ARPP21: variants seen among roughly 807,000 people sequenced by gnomAD.
ARPP21 encodes cAMP regulated phosphoprotein 21.
A neutral mutation model predicts 113.2 loss-of-function variants in ARPP21; 69 were observed. The observed-to-expected ratio is 0.61, with a 90% CI of 0.50 to 0.74. ARPP21 has a LOEUF of 0.74. Ranked by LOEUF, ARPP21 falls within the 30% of genes least tolerant of loss-of-function variation. The pLI, the probability that ARPP21 is intolerant of heterozygous loss-of-function variation, is 0.00. For synonymous variants in ARPP21, 368 were observed against 375.5 expected (o/e 0.98, Z 0.23); for missense variants, 1,070 against 1,037.4 (o/e 1.03, Z -0.43).
At chr3:35,703,094 A>G (rs1233336277) in intron 9 of ARPP21, among the ~76,000 whole-genome samples, 1 of 151,894 alleles carries the variant, frequency 6.6e-6, no homozygotes, top group Non-Finnish European at 1.5e-5. Context: ...CTACATATTC[A>G]GTAGAATTAA....
At chr3:35,746,446 T>C (rs965451228) in intron 19 of ARPP21, among the ~76,000 whole-genome samples, 3 of 152,170 alleles carry the variant, frequency 2.0e-5, no homozygotes, top group Admixed American at 6.5e-5. Flanking sequence ...AAAGAGCCTC[T>C]TCAGATAACT....
intron 19 of ARPP21, among the ~76,000 whole-genome samples, chr3:35,778,888 G>C (rs146116606): frequency 1.3e-3 from 199 of 152,322 alleles, no homozygotes; most frequent in Non-Finnish European, 2.3e-3. Flanking sequence ...ATAAAGAAAG[G>C]AGACTGCTTG....
chr3:35,710,418 C>A (rs1170305978), intron 11 of ARPP21, among the ~76,000 whole-genome samples: 3 of 152,148 alleles, frequency 2.0e-5, no homozygotes, highest in Non-Finnish European at 4.4e-5. Flanking sequence ...AGGATGCCTA[C>A]AGTGGCCTGG....
intron 1 of ARPP21, among the ~76,000 whole-genome samples, chr3:35,665,916 C>T (rs1382971699): frequency 3.9e-5 from 6 of 152,014 alleles, no homozygotes; most frequent in African/African-American, 1.4e-4. Context: ...TTAAAGGAAA[C>T]GTGATAGAAT....
intron 19 of ARPP21, among the ~76,000 whole-genome samples, chr3:35,756,226 C>T (rs2095563713): frequency 6.6e-6 from 1 of 152,016 alleles, no homozygotes; most frequent in Admixed American, 6.6e-5. Flanking sequence ...TCACTGTAAC[C>T]TAGGAAGGCT....
At chr3:35,722,896 C>T (rs1388795267) in intron 14 of ARPP21, among the ~76,000 whole-genome samples, 1 of 152,182 alleles carries the variant, frequency 6.6e-6, no homozygotes, top group African/African-American at 2.4e-5. Flanking sequence ...CCTAAAATCT[C>T]AGGAAGGTGA....
chr3:35,780,996 C>A (rs1314044724), intron 19 of ARPP21, among the ~76,000 whole-genome samples: 1 of 152,006 alleles, frequency 6.6e-6, no homozygotes, highest in Non-Finnish European at 1.5e-5. Context: ...TACTATAGCA[C>A]CCCTCAGTGA....
Position 35,762,966 on chromosome 3 carries a change from A to T in ARPP21, c.2137+19001A>T, listed in dbSNP as rs142485287. Among the ~76,000 whole-genome samples the T allele has an allele frequency of 3.0e-4, 46 of 152,228 alleles. No homozygotes were observed. In the Middle Eastern group the frequency reaches 0.02, roughly 68 times the overall value. On this transcript the variant is annotated intron_variant, in intron 19 of 20. Coordinates refer to ENST00000684406, the MANE Select transcript of ARPP21 (RefSeq NM_001385562.1). Reference sequence around the variant, plus strand: ...TTAAACATTACTGATTCTGATGCCCAGACACACCAGGTCTTCTGAGTATTA... The same window carrying T: ...TTAAACATTACTGATTCTGATGCCCTGACACACCAGGTCTTCTGAGTATTA...
intron 19 of ARPP21, among the ~76,000 whole-genome samples, chr3:35,756,526 TC>T (rs936279843): frequency 2.5e-3 from 49 of 19,380 alleles, no homozygotes; most frequent in African/African-American, 0.01. Flanking sequence ...TGTCAGCCAA[TC>T]CTTCCTGGTG....
At position 35,739,227 on chromosome 3, in the gene ARPP21, C is replaced by T. The variant is rs919929369; in HGVS notation, c.1750-90C>T. On this transcript the variant is annotated intron_variant, in intron 17 of 20. Coordinates refer to ENST00000684406, the MANE Select transcript of ARPP21 (RefSeq NM_001385562.1). ...TGTACTTCCTGTCTCTCCCACAACTCCAAGAATGTGTCCTGTGTCTGCCTC... is the reference window on the plus strand; with the variant it reads ...TGTACTTCCTGTCTCTCCCACAACTTCAAGAATGTGTCCTGTGTCTGCCTC... The T allele has an allele frequency of 2.7e-5, 40 of 1,460,322 alleles. No individual in the cohort carries two copies. The African/African-American group carries it at 4.1e-4, about 15-fold the overall frequency. 90.5% of individuals were successfully genotyped at this position (1,460,322 alleles called of 1,614,324 possible). A position where few individuals can be genotyped will look rare whatever the true frequency, so the allele number is the denominator to read the frequency against.
chr3:35,691,579 C>G (rs1559634935), intron 9 of ARPP21, among the ~76,000 whole-genome samples: 1 of 151,670 alleles, frequency 6.6e-6, no homozygotes. Context: ...CTAGATGAAA[C>G]ATCTAAGACT....
chr3:35,784,519 C>T (rs2096590722), intron 19 of ARPP21, among the ~76,000 whole-genome samples: 1 of 152,176 alleles, frequency 6.6e-6, no homozygotes, highest in South Asian at 2.1e-4. Context: ...TGTGATAGCA[C>T]CAGAAATCAT....
intron 9 of ARPP21, among the ~76,000 whole-genome samples, chr3:35,706,432 G>T (rs2089083598): frequency 1.3e-5 from 2 of 152,178 alleles, no homozygotes; most frequent in South Asian, 4.1e-4. Context: ...ACATGGTCAA[G>T]GGTGTCAGAG....
chr3:35,726,890 T>C (rs1197256612), intron 14 of ARPP21, among the ~76,000 whole-genome samples: 1 of 152,198 alleles, frequency 6.6e-6, no homozygotes, highest in Non-Finnish European at 1.5e-5. Context: ...TGTTGAATTG[T>C]TTACATTGTT....
At chr3:35,739,619 T>C in intron 18 of ARPP21, 42 bp downstream of exon 18, 1 of 1,560,264 alleles carries the variant, frequency 6.4e-7, no homozygotes, top group Non-Finnish European at 8.7e-7. Context: ...AGCTGATTTC[T>C]GATGCATTTT....
At chr3:35,728,761 C>T (rs1245711647) in intron 14 of ARPP21, among the ~76,000 whole-genome samples, 1 of 152,132 alleles carries the variant, frequency 6.6e-6, no homozygotes, top group Non-Finnish European at 1.5e-5. Context: ...AGGTCTTCTA[C>T]TCACACATGA....
At chr3:35,775,331 C>A (rs2096327892) in intron 19 of ARPP21, among the ~76,000 whole-genome samples, 2 of 152,024 alleles carry the variant, frequency 1.3e-5, no homozygotes, top group Admixed American at 1.3e-4. Flanking sequence ...AGAATGAATC[C>A]CATTTCTCTA....
intron 12 of ARPP21, among the ~76,000 whole-genome samples, chr3:35,716,683 A>G (rs1430714151): frequency 6.6e-6 from 1 of 152,080 alleles, no homozygotes; most frequent in African/African-American, 2.4e-5. Flanking sequence ...AGCATTCACA[A>G]TTCAGATTCA....
At chr3:35,693,311 C>T (rs939683344) in intron 9 of ARPP21, among the ~76,000 whole-genome samples, 3 of 151,548 alleles carry the variant, frequency 2.0e-5, no homozygotes, top group Non-Finnish European at 4.4e-5. Flanking sequence ...AAGTGTTGAG[C>T]TCAATAATGT....
Sources: allele counts gnomAD v4.1 joint callset (sites outside exome capture counted in the v4.1 genomes callset), GRCh38; gene constraint gnomAD v4.1.1; transcripts MANE v1.5; gene names NCBI Gene and HGNC (gene_info 2026-07-23, HGNC 2026-07-21).